CTNNA2: variants seen among roughly 807,000 people sequenced by gnomAD.
The protein encoded by CTNNA2 is catenin alpha 2.
A neutral mutation model predicts 101.0 loss-of-function variants in CTNNA2; 42 were observed. The observed-to-expected ratio is 0.42, with a 90% CI of 0.32 to 0.54. The LOEUF is 0.54. CTNNA2 is among the 20% of genes least tolerant of loss of function. CTNNA2 has a pLI of 0.14. For synonymous variants in CTNNA2, 450 were observed against 456.4 expected, an observed-to-expected ratio of 0.99 and a Z score of 0.18; for missense variants, 871 against 1,223.1, an observed-to-expected ratio of 0.71 and a Z score of 4.29.
At chr2:80,517,138 G>T (rs1369394229) in intron 9 of CTNNA2, among the ~76,000 whole-genome samples, 1 of 152,178 alleles carries the variant, frequency 6.6e-6, no homozygotes, top group Non-Finnish European at 1.5e-5. Flanking sequence ...ATTCAGTTAG[G>T]CACTATAAAT....
At chr2:79,443,003 C>T (rs562457349) in intron 4 of CTNNA2, among the ~76,000 whole-genome samples, 1 of 152,080 alleles carries the variant, frequency 6.6e-6, no homozygotes, top group Non-Finnish European at 1.5e-5. Flanking sequence ...GAGGCTTTAA[C>T]AATTTCTGGT....
chr2:79,989,535 G>T (rs559654329), intron 7 of CTNNA2, among the ~76,000 whole-genome samples: 1 of 152,256 alleles, frequency 6.6e-6, no homozygotes, highest in South Asian at 2.1e-4. Context: ...TACTTGGGAG[G>T]CTGAGGCAGG....
intron 2 of CTNNA2, among the ~76,000 whole-genome samples, chr2:79,299,342 A>G (rs994543675): frequency 1.3e-5 from 2 of 152,182 alleles, no homozygotes; most frequent in African/African-American, 2.4e-5. Flanking sequence ...TGTCAGCATT[A>G]TTCTGATTGT....
intron 7 of CTNNA2, chr2:80,304,391 C>A (rs1676696290): frequency 6.5e-6 from 1 of 152,736 alleles, no homozygotes. Context: ...GGAGCCCGAG[C>A]TTCGCCTTCC....
At chr2:80,144,272 A>G (rs937901659) in intron 7 of CTNNA2, among the ~76,000 whole-genome samples, 1 of 152,206 alleles carries the variant, frequency 6.6e-6, no homozygotes, top group African/African-American at 2.4e-5. Flanking sequence ...CAACTGTAAG[A>G]GGCACCACAG....
intron 7 of CTNNA2, among the ~76,000 whole-genome samples, chr2:80,214,778 G>A (rs1708147765): frequency 1.3e-5 from 2 of 152,158 alleles, no homozygotes; most frequent in African/African-American, 4.8e-5. Flanking sequence ...GGCGTTCTCT[G>A]TATTTCCTGA....
At chr2:79,257,302 A>G (rs1674860516) in intron 2 of CTNNA2, among the ~76,000 whole-genome samples, 4 of 152,064 alleles carry the variant, frequency 2.6e-5, no homozygotes. Context: ...GTGCCCAATC[A>G]ACACCAGAAA....
At chr2:79,256,588 C>T (rs56356761) in intron 2 of CTNNA2, among the ~76,000 whole-genome samples, 38 of 152,260 alleles carry the variant, frequency 2.5e-4, no homozygotes, top group African/African-American at 8.2e-4. Context: ...TGAATGCACA[C>T]GTTATGACCC....
intron 7 of CTNNA2, among the ~76,000 whole-genome samples, chr2:80,016,067 C>T (rs537890192): frequency 1.3e-5 from 2 of 152,028 alleles, no homozygotes; most frequent in Non-Finnish European, 2.9e-5. Context: ...TTTCCTCCAC[C>T]CTTTTAAATA....
chr2:79,914,359 CTG>C (rs1254638681), intron 7 of CTNNA2, among the ~76,000 whole-genome samples: 1 of 151,998 alleles, frequency 6.6e-6, no homozygotes, highest in African/African-American at 2.4e-5. Flanking sequence ...AAGTATTAAA[CTG>C]TAATGCAGAA....
intron 7 of CTNNA2, among the ~76,000 whole-genome samples, chr2:79,934,801 A>C (rs937376268): frequency 1.3e-5 from 2 of 152,262 alleles, no homozygotes; most frequent in Admixed American, 6.5e-5. Context: ...CCAATGGCTT[A>C]AATCCTATTT....
At chr2:79,338,091 CA>C (rs1340738548) in intron 3 of CTNNA2, among the ~76,000 whole-genome samples, 1 of 151,426 alleles carries the variant, frequency 6.6e-6, no homozygotes. Context: ...ACTAAAAATA[CA>C]AAAAAATTAG....
intron 1 of CTNNA2, among the ~76,000 whole-genome samples, chr2:79,562,206 T>A (rs113744144): frequency 2.0e-3 from 297 of 152,190 alleles, no homozygotes; most frequent in African/African-American, 6.7e-3. Context: ...TCTTCAAAGA[T>A]CCATTGATAG....
intron 2 of CTNNA2, among the ~76,000 whole-genome samples, chr2:79,739,430 G>A (rs1415252100): frequency 6.6e-6 from 1 of 152,012 alleles, no homozygotes; most frequent in Non-Finnish European, 1.5e-5. Context: ...TGTCCTCATA[G>A]GGCCCATGTT....
chr2:80,275,776 A>G (rs1034924114), intron 7 of CTNNA2, among the ~76,000 whole-genome samples: 1 of 152,214 alleles, frequency 6.6e-6, no homozygotes, highest in African/African-American at 2.4e-5. Flanking sequence ...TCTAAATTGT[A>G]GTTTAGCACT....
chr2:80,486,966 T>C (rs1166542253), intron 9 of CTNNA2, among the ~76,000 whole-genome samples: 2 of 152,164 alleles, frequency 1.3e-5, no homozygotes, highest in Non-Finnish European at 2.9e-5. Context: ...TCTGCACATG[T>C]AGCTCTGACA....
chr2:80,255,755 G>A (rs1672092360), intron 7 of CTNNA2, among the ~76,000 whole-genome samples: 1 of 152,176 alleles, frequency 6.6e-6, no homozygotes, highest in Admixed American at 6.5e-5. Context: ...TGAAAGGACA[G>A]ATTTGTTTAG....
chr2:79,521,107 GATATATATATATATATAT>G (rs59797728), intron 1 of CTNNA2, among the ~76,000 whole-genome samples: 1,835 of 104,814 alleles, frequency 0.018, 21 homozygotes, highest in Admixed American at 0.028. Flanking sequence ...CAAAGCTGCT[GATATATATATATATATAT>G]ATATATATAT....
chr2:80,527,296 C>T (rs528512016), intron 9 of CTNNA2, among the ~76,000 whole-genome samples: 1 of 152,276 alleles, frequency 6.6e-6, no homozygotes, highest in African/African-American at 2.4e-5. Flanking sequence ...AAACAGGGCA[C>T]TATTTGTCAA....
Sources: allele counts gnomAD v4.1 joint callset (sites outside exome capture counted in the v4.1 genomes callset), GRCh38; gene constraint gnomAD v4.1.1; transcripts MANE v1.5; gene names NCBI Gene and HGNC (gene_info 2026-07-23, HGNC 2026-07-21).